ZPBP: variants seen among roughly 807,000 people sequenced by gnomAD.
The protein encoded by ZPBP is zona pellucida-binding protein 1.
In ZPBP, 26 loss-of-function variants were observed where a neutral mutation model predicts 44.8. The observed-to-expected ratio is 0.58, with a 90% CI of 0.43 to 0.81. The LOEUF is 0.81. ZPBP is among the 30% of genes least tolerant of loss of function. The pLI, the probability that ZPBP is intolerant of heterozygous loss-of-function variation, is 0.00. For synonymous variants in ZPBP, 174 were observed against 153.2 expected, an observed-to-expected ratio of 1.14 and a Z score of -1.00; for missense variants, 409 against 434.0, an observed-to-expected ratio of 0.94 and a Z score of 0.51.
chr7:49,928,289 T>C (rs1027761089), intron 1 of ZPBP, among the ~76,000 whole-genome samples: 1 of 152,222 alleles, frequency 6.6e-6, no homozygotes, highest in Non-Finnish European at 1.5e-5. Context: ...TTTGGAGATA[T>C]CTAGTTACAT....
downstream of ZPBP, among the ~76,000 whole-genome samples, chr7:49,846,305 C>T (rs1391843555): frequency 6.6e-6 from 1 of 152,128 alleles, no homozygotes; most frequent in Non-Finnish European, 1.5e-5. Context: ...TGGACTAAAA[C>T]AATAACAACA....
intron 7 of ZPBP, among the ~76,000 whole-genome samples, chr7:49,962,769 T>C (rs1019843935): frequency 6.6e-6 from 1 of 151,582 alleles, no homozygotes; most frequent in Non-Finnish European, 1.5e-5. Context: ...TATCACTGAG[T>C]TTAGCAAGGC....
rs1294252181 is a variant in ZPBP, at chr7:50,093,114, G to A, written c.81C>T (p.Ala27=). ...RAAGSLLSRA[A]ILLFISAFLV... ...GGAAGGCGGAGATAAAGAGGAGGAT[G>A]GCGGCCCGAGAGAGCAGGGAGCCGG... Residue 27 remains alanine, a synonymous_variant, in exon 1 of 8, where the codon GCC becomes GCT. Transcript: ENST00000046087. 3 of 1,588,068 alleles carry A rather than the reference G, an allele frequency of 1.9e-6. No homozygotes were observed. The highest frequency in any genetic ancestry group is 2.6e-6 in the Non-Finnish European group (3 of 1,167,788).
chr7:50,046,398 T>C (rs1800362174), intron 4 of ZPBP, among the ~76,000 whole-genome samples: 1 of 151,170 alleles, frequency 6.6e-6, no homozygotes, highest in African/African-American at 2.4e-5. Flanking sequence ...AATCTATCCA[T>C]CTGACAAAGG....
At chr7:50,089,566 A>G in intron 2 of ZPBP, 63 bp downstream of exon 2, 1 of 1,204,208 alleles carries the variant, frequency 8.3e-7, no homozygotes, top group African/African-American at 1.5e-5. Flanking sequence ...TTTGGAGAAG[A>G]CTGATAAATT....
At chr7:50,071,043 C>A (rs1156324727) in intron 3 of ZPBP, among the ~76,000 whole-genome samples, 1 of 152,150 alleles carries the variant, frequency 6.6e-6, no homozygotes, top group African/African-American at 2.4e-5. Flanking sequence ...TTTCTGATTA[C>A]AAATTTTTTA....
chr7:49,981,401 A>AAT (rs1354452606), intron 7 of ZPBP, among the ~76,000 whole-genome samples: 28 of 76,408 alleles, frequency 3.7e-4, no homozygotes, highest in South Asian at 1.0e-3. Context: ...TATATTATAT[A>AAT]TAAAATATAT....
intron 2 of ZPBP, among the ~76,000 whole-genome samples, chr7:49,857,589 C>A (rs1324828626): frequency 6.6e-6 from 1 of 152,138 alleles, no homozygotes; most frequent in South Asian, 2.1e-4. Flanking sequence ...CAAATTAAAA[C>A]CTCCGTGAGA....
At chr7:50,089,541 G>A in intron 2 of ZPBP, 88 bp downstream of exon 2, 2 of 991,568 alleles carry the variant, frequency 2.0e-6, no homozygotes, top group Non-Finnish European at 1.5e-6. Flanking sequence ...TAGGATAAAT[G>A]AAGAGCATTA....
intron 2 of ZPBP, among the ~76,000 whole-genome samples, chr7:50,083,917 C>T (rs1032991): frequency 0.98 from 148,813 of 152,088 alleles, 72,818 homozygotes; most frequent in East Asian, 1. Flanking sequence ...AAAATTATCT[C>T]AATGCAAAAA....
At chr7:50,018,090 C>A (rs1798903281) in intron 6 of ZPBP, 150 bp downstream of exon 6, 2 of 622,284 alleles carry the variant, frequency 3.2e-6, no homozygotes. Context: ...AATGTCTTAT[C>A]TTTTATTAGT....
At chr7:50,055,773 T>G (rs1405048714) in intron 4 of ZPBP, among the ~76,000 whole-genome samples, 1 of 152,186 alleles carries the variant, frequency 6.6e-6, no homozygotes, top group Non-Finnish European at 1.5e-5. Context: ...CAGTAAATAT[T>G]AGCTATCATT....
downstream of ZPBP, among the ~76,000 whole-genome samples, chr7:49,936,473 G>A (rs966385271): frequency 2.0e-5 from 3 of 152,200 alleles, no homozygotes; most frequent in South Asian, 4.1e-4. Context: ...CCTAGGTATA[G>A]GTGAACTGTC....
intron 7 of ZPBP, among the ~76,000 whole-genome samples, chr7:49,957,702 A>G (rs535295146): frequency 9.2e-5 from 14 of 152,312 alleles, no homozygotes; most frequent in African/African-American, 2.9e-4. Flanking sequence ...GAGACTTACC[A>G]TAGGGGCAGA....
downstream of ZPBP, among the ~76,000 whole-genome samples, chr7:49,934,149 T>C (rs559864277): frequency 6.6e-5 from 10 of 152,266 alleles, no homozygotes; most frequent in Non-Finnish European, 1.3e-4. Context: ...CCCAGTTCTT[T>C]TCATATCTTC....
chr7:50,027,747 T>C (rs1329543003), intron 5 of ZPBP, among the ~76,000 whole-genome samples: 1 of 151,960 alleles, frequency 6.6e-6, no homozygotes, highest in African/African-American at 2.4e-5. Flanking sequence ...ACTACCTACC[T>C]TTCAGAAATA....
At chr7:50,011,265 A>G (rs185194622) in intron 6 of ZPBP, among the ~76,000 whole-genome samples, 4 of 152,342 alleles carry the variant, frequency 2.6e-5, no homozygotes, top group African/African-American at 9.6e-5. Flanking sequence ...AAAATTCTAC[A>G]AGATAACACT....
chr7:49,841,521 T>C, the ZPBP span, among the ~76,000 whole-genome samples: 5 of 152,212 alleles, frequency 3.3e-5, no homozygotes, highest in Admixed American at 2.6e-4. Context: ...GGAAGTTTCA[T>C]GACTCAGAGC....
chr7:49,925,785 C>A lies in ZPBP; in HGVS notation n.411+9966G>T, dbSNP rs150791698. 1.8e-3 allele frequency among the ~76,000 whole-genome samples: 281 copies of A among 152,354 alleles called. 1 individual carries two copies. Among genetic ancestry groups the A allele is most frequent in the Middle Eastern group, 3.4e-3 (1 of 294 alleles). On this transcript the variant is annotated intron_variant and non_coding_transcript_variant, in intron 1 of 2. Transcript: ENST00000465922. The stretch of plus-strand genomic sequence containing the variant: ...CATCGGCCGCTGTCAAAGAATTACA[C>A]ATATTCTCCCCTCTCCACTGTCTTT...
Sources: allele counts gnomAD v4.1 joint callset (sites outside exome capture counted in the v4.1 genomes callset), GRCh38; gene constraint gnomAD v4.1.1; transcripts MANE v1.5; gene names NCBI Gene and HGNC (gene_info 2026-07-23, HGNC 2026-07-21).